The following NLN variants were observed in gnomAD, a reference collection of about 807,000 sequenced individuals.
NLN encodes the protein neurolysin, mitochondrial.
In NLN, 64 loss-of-function variants were observed where a neutral mutation model predicts 79.9. The ratio of observed to expected loss-of-function variants is 0.80; its 90% CI spans 0.65 to 0.99. The LOEUF is 0.99. Among genes scored for constraint, NLN ranks in the 50% least tolerant of loss-of-function variants. The pLI is 0.00. For synonymous variants in NLN, 267 were observed against 296.6 expected, an observed-to-expected ratio of 0.90 and a Z score of 1.02; for missense variants, 835 against 858.7, an observed-to-expected ratio of 0.97 and a Z score of 0.34.
chr5:65,800,930 C>G (rs984618366), intron 9 of NLN, among the ~76,000 whole-genome samples: 10 of 151,982 alleles, frequency 6.6e-5, no homozygotes, highest in African/African-American at 1.9e-4. Flanking sequence ...TGAGCTCAAT[C>G]AATTCTCCTG....
At chr5:65,729,648 A>G (rs908574499) in intron 1 of NLN, among the ~76,000 whole-genome samples, 21 of 152,198 alleles carry the variant, frequency 1.4e-4, no homozygotes, top group African/African-American at 4.6e-4. Context: ...TGCTGGGATT[A>G]CAGGCGTGAA....
At chr5:65,792,379 C>A in intron 8 of NLN, 75 bp from the exon 9 acceptor site, 2 of 860,476 alleles carry the variant, frequency 2.3e-6, no homozygotes, top group South Asian at 1.6e-5. Flanking sequence ...GGCTTAATGA[C>A]TGGAAGAGGC....
chr5:65,813,533 T>C (rs1225420844), intron 12 of NLN, among the ~76,000 whole-genome samples: 1 of 152,058 alleles, frequency 6.6e-6, no homozygotes, highest in African/African-American at 2.4e-5. Flanking sequence ...ACCCCAGTGT[T>C]CTCTGTGGTC....
intron 9 of NLN, among the ~76,000 whole-genome samples, chr5:65,798,335 G>A (rs1172913859): frequency 3.3e-5 from 5 of 152,142 alleles, no homozygotes; most frequent in East Asian, 1.9e-4. Flanking sequence ...ACTTTATTGC[G>A]TATTTGCGCT....
chr5:65,727,378 G>A (rs1219080582), intron 1 of NLN, among the ~76,000 whole-genome samples: 2 of 152,038 alleles, frequency 1.3e-5, no homozygotes, highest in Non-Finnish European at 2.9e-5. Context: ...CTATGTTGCC[G>A]AGGCTAGTCT....
intron 6 of NLN, among the ~76,000 whole-genome samples, chr5:65,784,301 T>G (rs1404523638): frequency 1.3e-5 from 2 of 152,154 alleles, no homozygotes; most frequent in Non-Finnish European, 2.9e-5. Context: ...TTTTGTATTT[T>G]TAATACAAAT....
chr5:65,728,422 A>G (rs1442676230), intron 1 of NLN, among the ~76,000 whole-genome samples: 3 of 152,108 alleles, frequency 2.0e-5, no homozygotes, highest in Non-Finnish European at 1.5e-5. Flanking sequence ...AAACATTCCT[A>G]TTGTCCTTTT....
intron 9 of NLN, 53 bp downstream of exon 9, chr5:65,792,708 T>C (rs748897522): frequency 7.5e-7 from 1 of 1,339,584 alleles, no homozygotes; most frequent in Admixed American, 1.7e-5. Context: ...TTTAGAAAAC[T>C]TCTTGACTGC....
At chr5:65,773,708 C>T (rs888166979) in intron 3 of NLN, among the ~76,000 whole-genome samples, 1 of 152,060 alleles carries the variant, frequency 6.6e-6, no homozygotes, top group Non-Finnish European at 1.5e-5. Flanking sequence ...GTTGGGAAGC[C>T]GAGGCAGGTG....
At position 65,788,300 on chromosome 5, in the gene NLN, A is replaced by T; in HGVS notation, c.1141A>T (p.Lys381Ter). 6.2e-7 allele frequency: 1 copy of T among 1,614,108 alleles called. No individual in the cohort carries two copies. Among genetic ancestry groups the T allele is most frequent in the South Asian group, 1.1e-5 (1 of 91,086 alleles). ...LKYSIDQEFL[K>*]EYFPIEVVTE... is the part of the protein sequence containing the mutation. ...GTATTCCATAGACCAAGAGTTCCTC[A>T]AGGAATACTTCCCAATTGAGGTGGT... The change falls in exon 8 of 13, where the codon AAG (lysine) becomes TAG (stop). Residue 381 changes from lysine (K) to a stop codon, truncating the protein, a stop_gained. Transcript: ENST00000380985. LOFTEE classifies it high-confidence loss of function.
intron 1 of NLN, among the ~76,000 whole-genome samples, chr5:65,731,770 A>G (rs1202878973): frequency 8.3e-5 from 2 of 24,238 alleles, no homozygotes; most frequent in South Asian, 1.2e-3. Context: ...TTTTTTTTTC[A>G]GACAGAGTCT....
intron 3 of NLN, among the ~76,000 whole-genome samples, chr5:65,768,101 C>A (rs910074288): frequency 6.6e-6 from 1 of 152,178 alleles, no homozygotes; most frequent in Non-Finnish European, 1.5e-5. Flanking sequence ...CTGTTCCAAC[C>A]TCTGCCCTTG....
intron 3 of NLN, among the ~76,000 whole-genome samples, chr5:65,774,647 T>C (rs537198225): frequency 6.6e-6 from 1 of 152,048 alleles, no homozygotes; most frequent in East Asian, 1.9e-4. Context: ...AATAGTCAGA[T>C]TTCTGTTGTG....
chr5:65,758,255 A>G (rs1407826924), intron 1 of NLN, among the ~76,000 whole-genome samples: 1 of 152,010 alleles, frequency 6.6e-6, no homozygotes, highest in South Asian at 2.1e-4. Context: ...GGGAGGGAAG[A>G]TTACTGATTT....
At chr5:65,811,412 C>T (rs957812908) in intron 11 of NLN, among the ~76,000 whole-genome samples, 11 of 152,176 alleles carry the variant, frequency 7.2e-5, no homozygotes, top group African/African-American at 2.2e-4. Flanking sequence ...CATGGTGGCT[C>T]ACGCCTGTAA....
chr5:65,751,233 G>T (rs1014279797), intron 1 of NLN, among the ~76,000 whole-genome samples: 2 of 152,164 alleles, frequency 1.3e-5, no homozygotes, highest in South Asian at 4.1e-4. Context: ...GACAGGGAAA[G>T]GGATGGAAAA....
intron 2 of NLN, among the ~76,000 whole-genome samples, chr5:65,761,288 T>A (rs867650728): frequency 2.3e-4 from 35 of 152,080 alleles, no homozygotes; most frequent in Admixed American, 5.9e-4. Context: ...ATTTTATTTT[T>A]TTATTATTAT....
At chr5:65,815,684 T>C (rs1579972755) in intron 12 of NLN, among the ~76,000 whole-genome samples, 1 of 152,208 alleles carries the variant, frequency 6.6e-6, no homozygotes, top group South Asian at 2.1e-4. Context: ...CTCACACCCT[T>C]TGCAGATACT....
intron 1 of NLN, among the ~76,000 whole-genome samples, chr5:65,757,036 C>CA (rs1759234892): frequency 3.9e-5 from 6 of 152,304 alleles, no homozygotes. Flanking sequence ...CTTGTCATAA[C>CA]ACTCATCTCA....
Sources: allele counts gnomAD v4.1 joint callset (sites outside exome capture counted in the v4.1 genomes callset), GRCh38; gene constraint gnomAD v4.1.1; transcripts MANE v1.5; gene names NCBI Gene and HGNC (gene_info 2026-07-23, HGNC 2026-07-21).